The following IPO7 variants were observed in gnomAD, a reference collection of about 807,000 sequenced individuals.
IPO7 encodes the protein importin-7.
In IPO7, 13 loss-of-function variants were observed where a neutral mutation model predicts 136.4. That is an observed-to-expected ratio of 0.10 (90% CI 0.06 to 0.15). The LOEUF (loss-of-function observed/expected upper bound fraction) is 0.15. Among genes scored for constraint, IPO7 ranks in the 10% least tolerant of loss-of-function variants. The pLI, the probability that IPO7 is intolerant of heterozygous loss-of-function variation, is 1.00. For missense variants in IPO7, 857 were observed against 1,240.6 expected (o/e 0.69, Z 4.65); for synonymous variants, 403 against 404.4 (o/e 1.00, Z 0.04).
chr11:9,427,289 C>T (rs939626102), intron 12 of IPO7, among the ~76,000 whole-genome samples: 2 of 152,124 alleles, frequency 1.3e-5, no homozygotes, highest in African/African-American at 4.8e-5. Flanking sequence ...GAAATGGAGC[C>T]TCGTTCTGTT....
chr11:9,422,938 T>C, intron 8 of IPO7, 68 bp from the exon 9 acceptor site: 1 of 970,482 alleles, frequency 1.0e-6, no homozygotes, highest in Non-Finnish European at 1.5e-6. Context: ...TTAACTGTTT[T>C]TACTGGCTTG....
chr11:9,423,022 T>C lies in IPO7; in HGVS notation c.923T>C (p.Leu308Ser). Reference protein sequence around the residue: ...VGVQQVLLKVLYQYKEKQYMA... With the variant: ...VGVQQVLLKVSYQYKEKQYMA... ...TTTTCCAAGGTTTTATTGAAGGTGTTATATCAGTACAAGGAGAAGCAATAT... is the reference window on the plus strand; with the variant it reads ...TTTTCCAAGGTTTTATTGAAGGTGTCATATCAGTACAAGGAGAAGCAATAT... Residue 308 changes from leucine (L) to serine (S), a missense_variant, in exon 9 of 25, where the codon TTA (leucine) becomes TCA (serine). Physicochemically the swap from Leu to Ser is moderately radical, Grantham distance 145. This residue lies in a region of IPO7 where 287 missense variants were observed against 307.5 expected (regional missense o/e 0.93). Transcript: ENST00000379719. The C allele has an allele frequency of 6.4e-7, 1 of 1,573,544 alleles. No individual in the cohort carries two copies. The highest frequency in any genetic ancestry group is 8.6e-7 in the Non-Finnish European group (1 of 1,161,022).
rs115015701 is a variant in IPO7 at position 9,420,284 on chromosome 11, G to A, written c.727-127G>A. ...GTGAGCTGAGATGGCAATAGAGCAA[G>A]ACTCCATCTCAAAAAAAAAAAGGCC... On this transcript the variant is annotated intron_variant, in intron 6 of 24. Coordinates refer to ENST00000379719, the MANE Select transcript of IPO7 (RefSeq NM_006391.3). 588 of 625,052 alleles carry A rather than the reference G, an allele frequency of 9.4e-4. 2 individuals are homozygous for A. In the African/African-American group the frequency reaches 1.0e-2, roughly 11 times the overall value. The allele number at this position is 625,052 out of a possible 1,614,324, so 38.7% of individuals were successfully genotyped here.
At chr11:9,428,295 CTA>C (rs1855241650) in intron 12 of IPO7, among the ~76,000 whole-genome samples, 1 of 152,144 alleles carries the variant, frequency 6.6e-6, no homozygotes, top group Non-Finnish European at 1.5e-5. Flanking sequence ...CATTCGAACA[CTA>C]TTGCTGGTAA....
At chr11:9,392,493 G>C (rs995151279) in intron 1 of IPO7, among the ~76,000 whole-genome samples, 1 of 151,942 alleles carries the variant, frequency 6.6e-6, no homozygotes, top group South Asian at 2.1e-4. Context: ...TAACAAGAAA[G>C]GTTAGAAGTT....
intron 1 of IPO7, among the ~76,000 whole-genome samples, chr11:9,399,441 G>A (rs1402587961): frequency 6.6e-6 from 1 of 152,130 alleles, no homozygotes. Context: ...GATTACAGGC[G>A]TGAGCCACCG....
At chr11:9,402,877 T>C (rs960703260) in intron 1 of IPO7, 21 of 150,528 alleles carry the variant, frequency 1.4e-4, no homozygotes, top group African/African-American at 5.0e-4. Flanking sequence ...ATTAGCGGGG[T>C]GTGGTCATGT....
rs1854947570 is a variant in IPO7 at position 9,410,049 on chromosome 11, ATTC to A, written c.448_450del (p.Leu150del). The A allele has an allele frequency of 6.2e-7, 1 of 1,604,176 alleles. No homozygotes were observed. The highest frequency in any genetic ancestry group is 8.5e-7 in the Non-Finnish European group (1 of 1,176,344). ...CGATAACAGTGCTTGTTGGCTAGGA[ATTC>A]TTCTTTGCCTTTATCAGCTTGTGAA... On this transcript the variant is annotated inframe_deletion, in exon 4 of 25. Transcript: ENST00000379719.
At chr11:9,404,403 T>C (rs569544656) in intron 2 of IPO7, among the ~76,000 whole-genome samples, 5 of 151,562 alleles carry the variant, frequency 3.3e-5, no homozygotes, top group South Asian at 4.2e-4. Flanking sequence ...AGGCGGAGCT[T>C]GCAGTGAGCC....
chr11:9,409,901 T>C, intron 3 of IPO7, 27 bp from the exon 4 acceptor site: 1 of 1,490,806 alleles, frequency 6.7e-7, no homozygotes, highest in Non-Finnish European at 8.9e-7. Flanking sequence ...TAGGATTTTT[T>C]CCTTACTGTT....
At chr11:9,403,100 AG>A in intron 1 of IPO7, 189 bp from the exon 2 acceptor site, 2 of 605,662 alleles carry the variant, frequency 3.3e-6, no homozygotes, top group South Asian at 3.9e-5. Context: ...ACATCCAAAA[AG>A]TTTTAGAATT....
At chr11:9,399,067 T>C (rs1854755552) in intron 1 of IPO7, among the ~76,000 whole-genome samples, 1 of 152,096 alleles carries the variant, frequency 6.6e-6, no homozygotes, top group Non-Finnish European at 1.5e-5. Flanking sequence ...GATCTTTGGC[T>C]GCTAAATGGA....
chr11:9,442,024 G>C, intron 23 of IPO7, 57 bp from the exon 24 acceptor site: 1 of 806,382 alleles, frequency 1.2e-6, no homozygotes. Flanking sequence ...GTGTAGAACG[G>C]AGCTACCAAG....
At chr11:9,411,148 T>G (rs1854962901) in intron 4 of IPO7, among the ~76,000 whole-genome samples, 2 of 151,914 alleles carry the variant, frequency 1.3e-5, no homozygotes, top group Non-Finnish European at 2.9e-5. Flanking sequence ...ATTGAGGAGG[T>G]TCAAGGCCCT....
chr11:9,417,715 C>CT (rs1191474959), intron 6 of IPO7, among the ~76,000 whole-genome samples: 155 of 138,362 alleles, frequency 1.1e-3, no homozygotes, highest in East Asian at 1.7e-3. Context: ...TTTCTTTTTT[C>CT]TTTTTTTTTT....
intron 1 of IPO7, among the ~76,000 whole-genome samples, chr11:9,386,935 T>C (rs949593862): frequency 6.6e-6 from 1 of 152,232 alleles, no homozygotes; most frequent in Non-Finnish European, 1.5e-5. Flanking sequence ...TTAAATATTC[T>C]TCCTAAGGTA....
chr11:9,387,351 T>A (rs1473174775), intron 1 of IPO7, among the ~76,000 whole-genome samples: 1 of 152,218 alleles, frequency 6.6e-6, no homozygotes, highest in Non-Finnish European at 1.5e-5. Flanking sequence ...TCAGAGTCTT[T>A]GCACTTAACT....
chr11:9,444,765 A>T (rs1855505015), intron 24 of IPO7, among the ~76,000 whole-genome samples: 2 of 147,700 alleles, frequency 1.4e-5, no homozygotes, highest in East Asian at 4.2e-4. Context: ...TGCACCTGGG[A>T]GGCAGAGATT....
At chr11:9,405,739 C>G (rs1445110109) in intron 2 of IPO7, among the ~76,000 whole-genome samples, 1 of 152,166 alleles carries the variant, frequency 6.6e-6, no homozygotes, top group Non-Finnish European at 1.5e-5. Flanking sequence ...TCTTTAAAAG[C>G]AAACAATTTT....
Sources: gnomAD v4.1 joint callset for allele counts (sites outside exome capture counted in the v4.1 genomes callset) on GRCh38, gnomAD v4.1.1 for gene constraint, gnomAD v4.1.1 regional missense constraint, MANE v1.5 for transcripts, NCBI Gene and HGNC (gene_info 2026-07-23, HGNC 2026-07-21) for gene names.